The following SEMA3A variants were observed in gnomAD, a reference collection of about 807,000 sequenced individuals.
The protein encoded by SEMA3A is semaphorin-3A.
In SEMA3A, 29 loss-of-function variants were observed where a neutral mutation model predicts 97.9. That is an observed-to-expected ratio of 0.30 (90% CI 0.22 to 0.40). The LOEUF (loss-of-function observed/expected upper bound fraction) is 0.40, where lower values mean the gene tolerates loss of function less well. SEMA3A is among the 10% of genes least tolerant of loss of function. The probability of loss-of-function intolerance (pLI) is 1.00; values close to 1 mark genes in which losing one functional copy is unlikely to be tolerated. For synonymous variants in SEMA3A, 321 were observed against 323.7 expected, an observed-to-expected ratio of 0.99 and a Z score of 0.09; for missense variants, 763 against 951.3, an observed-to-expected ratio of 0.80 and a Z score of 2.60.
At chr7:83,964,068 G>A (rs183436733) in intron 15 of SEMA3A, among the ~76,000 whole-genome samples, 70 of 152,232 alleles carry the variant, frequency 4.6e-4, no homozygotes, top group Admixed American at 4.0e-3. Flanking sequence ...TAAGGCAAAA[G>A]TACATAATAA....
chr7:84,430,297 A>G (rs1413214440), intron 1 of SEMA3A, among the ~76,000 whole-genome samples: 1 of 152,014 alleles, frequency 6.6e-6, no homozygotes, highest in South Asian at 2.1e-4. Flanking sequence ...TACGGCAAGC[A>G]AAAGTAAGTT....
At chr7:84,076,835 CTTAAAT>C in intron 4 of SEMA3A, among the ~76,000 whole-genome samples, 1 of 152,154 alleles carries the variant, frequency 6.6e-6, no homozygotes, top group East Asian at 1.9e-4. Context: ...GATTTGCCCT[CTTAAAT>C]TTAAGGGACC....
chr7:83,986,045 T>C (rs767028562), intron 12 of SEMA3A, among the ~76,000 whole-genome samples: 3 of 152,188 alleles, frequency 2.0e-5, no homozygotes, highest in Non-Finnish European at 2.9e-5. Context: ...TGTTTGGACA[T>C]GATTACAAAA....
chr7:84,095,259 A>G (rs1258793220), intron 4 of SEMA3A, among the ~76,000 whole-genome samples: 1 of 144,172 alleles, frequency 6.9e-6, no homozygotes, highest in East Asian at 2.0e-4. Flanking sequence ...ATATATTATT[A>G]TATACCATTA....
At chr7:84,083,456 C>T (rs1160217498) in intron 4 of SEMA3A, among the ~76,000 whole-genome samples, 1 of 151,722 alleles carries the variant, frequency 6.6e-6, no homozygotes. Context: ...GTGTTAGGAA[C>T]ACTCCAATTC....
intron 6 of SEMA3A, among the ~76,000 whole-genome samples, chr7:84,026,133 G>C (rs898402643): frequency 6.6e-6 from 1 of 152,162 alleles, no homozygotes; most frequent in Admixed American, 6.5e-5. Context: ...GGAATAAGAA[G>C]TGAAAGGCTT....
chr7:84,243,959 A>C (rs1453184471), intron 3 of SEMA3A, among the ~76,000 whole-genome samples: 1 of 152,162 alleles, frequency 6.6e-6, no homozygotes, highest in African/African-American at 2.4e-5. Context: ...CTGCGGTCTG[A>C]GAGACTGTTA....
intron 6 of SEMA3A, among the ~76,000 whole-genome samples, chr7:84,030,848 G>A (rs1791720502): frequency 6.6e-6 from 1 of 151,918 alleles, no homozygotes; most frequent in African/African-American, 2.4e-5. Context: ...ACTGTACTTG[G>A]AAAAGCACAT....
At chr7:84,371,760 TAAAGTC>T (rs1332803087) in intron 2 of SEMA3A, 1 of 151,958 alleles carries the variant, frequency 6.6e-6, no homozygotes, top group Non-Finnish European at 1.5e-5. Flanking sequence ...CGGTTCCACT[TAAAGTC>T]AAACACCAAG....
At chr7:84,142,278 A>G (rs1178540400) in intron 1 of SEMA3A, among the ~76,000 whole-genome samples, 1 of 152,208 alleles carries the variant, frequency 6.6e-6, no homozygotes, top group Non-Finnish European at 1.5e-5. Flanking sequence ...AACTATGTGG[A>G]GTATTAAGAA....
Position 84,138,008 on chromosome 7 carries a change from G to C in SEMA3A, c.113-3057C>G, listed in dbSNP as rs534350563. Among the ~76,000 whole-genome samples, 12 of 134,380 alleles carry C rather than the reference G, an allele frequency of 8.9e-5. No individual in the cohort carries two copies. The South Asian group carries it at 2.9e-3, about 32-fold the overall frequency. The allele number at this position is 134,380 out of a possible 152,430, so 88.2% of individuals were successfully genotyped here. On this transcript the variant is annotated intron_variant, in intron 1 of 16. Coordinates refer to ENST00000265362, the MANE Select transcript of SEMA3A (RefSeq NM_006080.3). ...TTTTATAGAAGATGGGATGAATAATGTATCTTTTAAGAGTTAATGTATCTT... is the reference window on the plus strand; with the variant it reads ...TTTTATAGAAGATGGGATGAATAATCTATCTTTTAAGAGTTAATGTATCTT...
chr7:84,105,385 C>T (rs1387238232), intron 4 of SEMA3A, among the ~76,000 whole-genome samples: 1 of 152,094 alleles, frequency 6.6e-6, no homozygotes, highest in Non-Finnish European at 1.5e-5. Context: ...TCAGAGCACA[C>T]TCCTATTTCT....
chr7:84,313,882 T>C (rs1801430262), intron 2 of SEMA3A, among the ~76,000 whole-genome samples: 2 of 152,012 alleles, frequency 1.3e-5, no homozygotes, highest in African/African-American at 4.8e-5. Flanking sequence ...GTGGTCTTAA[T>C]CATTTTAACA....
chr7:84,369,642 A>G (rs1802929280), intron 2 of SEMA3A, among the ~76,000 whole-genome samples: 1 of 150,570 alleles, frequency 6.6e-6, no homozygotes, highest in Non-Finnish European at 1.5e-5. Context: ...ATTTATTCAA[A>G]ATAGATTAGT....
intron 7 of SEMA3A, 27 bp from the exon 8 acceptor site, chr7:84,011,324 G>T (rs1255989484): frequency 1.5e-6 from 2 of 1,346,168 alleles, no homozygotes; most frequent in Non-Finnish European, 2.1e-6. Flanking sequence ...CCAGTGTTAG[G>T]CACTGTTAAT....
intron 12 of SEMA3A, among the ~76,000 whole-genome samples, chr7:83,999,436 A>C (rs1027945022): frequency 2.2e-5 from 2 of 92,108 alleles, no homozygotes; most frequent in Non-Finnish European, 4.9e-5. Flanking sequence ...AAAATAATTA[A>C]ATAATAAAAA....
At chr7:84,191,859 C>T (rs1798049423) in intron 1 of SEMA3A, among the ~76,000 whole-genome samples, 2 of 151,760 alleles carry the variant, frequency 1.3e-5, no homozygotes, top group Admixed American at 6.6e-5. Flanking sequence ...TCCAGATGGT[C>T]CTGAACACAT....
chr7:84,038,298 C>T (rs937093115), intron 6 of SEMA3A, among the ~76,000 whole-genome samples: 1 of 152,032 alleles, frequency 6.6e-6, no homozygotes, highest in Admixed American at 6.6e-5. Context: ...TGTGGCTGCA[C>T]AGTTTAATGA....
chr7:84,439,484 G>T (rs775822670), intron 1 of SEMA3A, among the ~76,000 whole-genome samples: 2 of 152,112 alleles, frequency 1.3e-5, no homozygotes, highest in Non-Finnish European at 2.9e-5. Context: ...GCATAAGCAA[G>T]GCAGCAGTTA....
Sources: allele counts gnomAD v4.1 joint callset (sites outside exome capture counted in the v4.1 genomes callset), GRCh38; gene constraint gnomAD v4.1.1; transcripts MANE v1.5; gene names NCBI Gene and HGNC (gene_info 2026-07-23, HGNC 2026-07-21).